Variants in TH observed in about 807,000 individuals in gnomAD.
TH encodes the protein tyrosine hydroxylase, also known as tyrosine 3-monooxygenase.
Under a neutral mutation model 57.4 loss-of-function variants are expected in TH, and 49 were observed. That is an observed-to-expected ratio of 0.85 (90% CI 0.68 to 1.08). The LOEUF (loss-of-function observed/expected upper bound fraction) is 1.08, where lower values mean the gene tolerates loss of function less well. Ranked by LOEUF, TH falls within the 50% of genes least tolerant of loss-of-function variation. The probability of loss-of-function intolerance (pLI) is 0.00; values close to 1 mark genes in which losing one functional copy is unlikely to be tolerated. For synonymous variants in TH, 330 were observed against 304.5 expected (o/e 1.08, Z -0.87); for missense variants, 720 against 696.7 (o/e 1.03, Z -0.38).
At position 2,165,972 on chromosome 11, in the gene TH, C is replaced by G. The variant is rs558000735; in HGVS notation, c.1104+30G>C. On this transcript the variant is annotated intron_variant, in intron 10 of 12. Coordinates refer to ENST00000352909, the MANE Select transcript of TH (RefSeq NM_000360.4). The stretch of plus-strand genomic sequence containing the variant: ...TGGATTCAGACCCCCAAACCCACAC[C>G]CCAGGCCCTGCAGGGAGGGGTCAAC... 6.0e-5 allele frequency: 94 copies of G among 1,555,676 alleles called. 2 individuals are homozygous for G. The South Asian group carries it at 1.1e-3, about 17-fold the overall frequency.
In TH at chr11:2,168,626, C is replaced by T. The variant is rs775721911; in HGVS notation, c.352G>A (p.Ala118Thr). The T allele has an allele frequency of 1.3e-5, 21 of 1,609,688 alleles. No homozygotes were observed. Among genetic ancestry groups the T allele is most frequent in the Middle Eastern group, 1.7e-4 (1 of 5,958 alleles). The part of the protein sequence containing the change: ...AKIHHLETRP[A>T]QRPRAGGPHL... ...GGGCCCCCAGCTCGCGGCCTCTGGG[C>T]GGGCCGGGTCTCTAGATGGTGGATT... is the stretch of plus-strand genomic sequence containing the variant. The change falls in exon 3 of 13, where the codon GCC (alanine) becomes ACC (threonine). Residue 118 changes from alanine (A) to threonine (T), a missense_variant. Ala to Thr is a moderately conservative substitution (Grantham distance 58). Transcript: ENST00000352909.
intron 6 of TH, 86 bp from the exon 7 acceptor site, chr11:2,167,118 C>T (rs1319310640): frequency 6.6e-7 from 1 of 1,525,240 alleles, no homozygotes; most frequent in Non-Finnish European, 8.8e-7. Context: ...CTCTGCCTGC[C>T]TGAGCCCCTA....
rs45471299 is a variant in TH at position 2,164,339 on chromosome 11, G to A, written c.1388C>T (p.Thr463Met). Residue 463 changes from threonine to methionine, a missense_variant, in exon 13 of 13, where the codon ACG (threonine) becomes ATG (methionine). Physicochemically the swap from Thr to Met is moderately conservative, Grantham distance 81. Coordinates refer to ENST00000352909, the MANE Select transcript of TH (RefSeq NM_000360.4). ...RPFSVKFDPY[T>M]LAIDVLDSPQ... ...GCTGTCCAGCACGTCGATGGCCAGC[G>A]TGTACGGGTCGAACTTCACGGAGAA... The A allele has an allele frequency of 1.7e-5, 27 of 1,545,554 alleles. No homozygotes were observed. Among genetic ancestry groups the A allele is most frequent in the Admixed American group, 1.5e-4 (8 of 52,248 alleles).
Position 2,170,718 on chromosome 11 carries a change from G to A in TH, c.91-847C>T, listed in dbSNP as rs781594548. 14 of 1,605,402 alleles carry A rather than the reference G, an allele frequency of 8.7e-6. No homozygotes were observed. The highest frequency in any genetic ancestry group is 2.2e-5 in the East Asian group (1 of 44,616). Reference sequence around the variant, plus strand: ...TGGGGTGGGGGTGTAGGATGCAGCTGGGGCTGCAGTTCCAGGCCACGGAGA... The same window carrying A: ...TGGGGTGGGGGTGTAGGATGCAGCTAGGGCTGCAGTTCCAGGCCACGGAGA... On this transcript the variant is annotated intron_variant, in intron 1 of 12. Transcript: ENST00000352909. The surrounding 1 kb of genome is among the most constrained non-coding windows in gnomAD (Gnocchi z 6.0).
At chr11:2,169,314 C>T (rs748238988) in intron 2 of TH, among the ~76,000 whole-genome samples, 1 of 152,144 alleles carries the variant, frequency 6.6e-6, no homozygotes, top group Non-Finnish European at 1.5e-5. Flanking sequence ...TGGGAGAGGG[C>T]ACACTGCCCT....
At position 2,171,754 on chromosome 11, in the gene TH, G is replaced by A; in HGVS notation, c.33C>T (p.Ala11=). 6.2e-7 allele frequency: 1 copy of A among 1,612,826 alleles called. No individual in the cohort carries two copies. Among genetic ancestry groups the A allele is most frequent in the African/African-American group, 1.3e-5 (1 of 75,032 alleles). MPTPDATTPQ[A]KGFRRAVSEL... ...CAGACACGGCCCTGCGGAAGCCCTT[G>A]GCCTGTGGCGTGGTGGCGTCGGGGG... The change falls in exon 1 of 13, where the codon GCC becomes GCT. Residue 11 remains alanine, a synonymous_variant. Coordinates refer to ENST00000352909, the MANE Select transcript of TH (RefSeq NM_000360.4). The surrounding 1 kb of genome is among the most constrained non-coding windows in gnomAD (Gnocchi z 8.6).
intron 2 of TH, 167 bp from the exon 3 acceptor site, chr11:2,168,832 G>A (rs1846175075): frequency 1.1e-6 from 1 of 886,544 alleles, no homozygotes; most frequent in Admixed American, 2.1e-5. Context: ...CAGGTCAGCT[G>A]TCGGCCACCA....
intron 11 of TH, 136 bp from the exon 12 acceptor site, chr11:2,165,501 G>T: frequency 7.0e-7 from 1 of 1,419,258 alleles, no homozygotes; most frequent in Non-Finnish European, 9.8e-7. Context: ...TCGGAGGCCT[G>T]GGATAATGTG....
chr11:2,170,129 G>A lies in TH; in HGVS notation c.91-258C>T, dbSNP rs540873674. Among the ~76,000 whole-genome samples, 15 of 152,288 alleles carry A rather than the reference G, an allele frequency of 9.8e-5. No homozygotes were observed. The East Asian group carries it at 1.7e-3, about 18-fold the overall frequency. On this transcript the variant is annotated intron_variant, in intron 1 of 12. Coordinates refer to ENST00000352909, the MANE Select transcript of TH (RefSeq NM_000360.4). This position sits in a 1 kb window ranked among gnomAD's most constrained non-coding sequence, Gnocchi z 6.0. The stretch of plus-strand genomic sequence containing the variant: ...AGGAGTGGGGGCTGGGAAGGTGCTC[G>A]CCTGCTCCCCACTCTGTGGCGAGCA...
At chr11:2,166,295 C>T (rs1156780382) in intron 9 of TH, 185 bp downstream of exon 9, 19 of 950,686 alleles carry the variant, frequency 2.0e-5, no homozygotes, top group Non-Finnish European at 2.3e-5. Flanking sequence ...CAGGTGGCAG[C>T]ACAGGCCGTG....
rs774895306 is a variant in TH, at chr11:2,165,663, C to G, written c.1200+5G>C. 6.2e-7 allele frequency: 1 copy of G among 1,612,624 alleles called. No individual in the cohort carries two copies. The highest frequency in any genetic ancestry group is 2.2e-5 in the East Asian group (1 of 44,862). On this transcript the variant is annotated splice_donor_5th_base_variant and intron_variant, in intron 11 of 12. Coordinates refer to ENST00000352909, the MANE Select transcript of TH (RefSeq NM_000360.4). ...CTGGGGGCTGCAGCAAGGAGAGACT[C>G]TCACCAGGAGCTCCCCGTAGGAGGA...
At position 2,169,659 on chromosome 11, in the gene TH, C is replaced by T. The variant is rs752339418; in HGVS notation, c.303G>A (p.Lys101=). The change falls in exon 2 of 13, where the codon AAG becomes AAA. Residue 101 remains lysine, a synonymous_variant. Coordinates refer to ENST00000352909, the MANE Select transcript of TH (RefSeq NM_000360.4). ...AAGGCCACCAGCTCACCTCAAACAC[C>T]TTCACAGCTCGGGACAGCGCCGAGG... ...TKPSALSRAV[K]VFETFEAKIH... 1.9e-6 allele frequency: 3 copies of T among 1,613,460 alleles called. No individual in the cohort carries two copies. Among genetic ancestry groups the T allele is most frequent in the Admixed American group, 1.7e-5 (1 of 59,984 alleles).
intron 1 of TH, 68 bp from the exon 2 acceptor site, chr11:2,169,939 G>T: frequency 6.7e-7 from 1 of 1,490,034 alleles, no homozygotes; most frequent in Non-Finnish European, 9.1e-7. Context: ...CCCACAGCTG[G>T]TCCCACAGTC....
intron 11 of TH, 139 bp from the exon 12 acceptor site, chr11:2,165,504 A>T: frequency 7.0e-7 from 1 of 1,422,050 alleles, no homozygotes; most frequent in Non-Finnish European, 9.7e-7. Flanking sequence ...GAGGCCTGGG[A>T]TAATGTGGGG....
chr11:2,165,137 G>A, intron 12 of TH, 95 bp downstream of exon 12: 2 of 1,589,338 alleles, frequency 1.3e-6, no homozygotes, highest in South Asian at 1.1e-5. Flanking sequence ...TGTGACCTGG[G>A]CTCACAGGTC....
At position 2,169,825 on chromosome 11, in the gene TH, C is replaced by A. The variant is rs761509793; in HGVS notation, c.137G>T (p.Arg46Leu). The change falls in exon 2 of 13, where the codon CGC becomes CTC. Residue 46 changes from arginine to leucine, a missense_variant. Coordinates refer to ENST00000352909, the MANE Select transcript of TH (RefSeq NM_000360.4). ...GRRQSLIEDA[R>L]KEREAAVAAA... is the part of the protein sequence containing the mutation. Reference sequence around the variant, plus strand: ...TGCCACCGCCGCCTCCCGCTCCTTGCGGGCGTCCTCGATGAGGCTCTGCCT... The same window carrying A: ...TGCCACCGCCGCCTCCCGCTCCTTGAGGGCGTCCTCGATGAGGCTCTGCCT... 6.2e-7 allele frequency: 1 copy of A among 1,610,946 alleles called. No individual in the cohort carries two copies.
chr11:2,167,987 G>A (rs1411550257), intron 4 of TH, 54 bp from the exon 5 acceptor site: 1 of 1,609,580 alleles, frequency 6.2e-7, no homozygotes, highest in African/African-American at 1.3e-5. Flanking sequence ...TGGGGGCACA[G>A]GCCACGGAGG....
intron 2 of TH, among the ~76,000 whole-genome samples, chr11:2,168,970 G>A (rs902993097): frequency 6.6e-6 from 1 of 152,180 alleles, no homozygotes; most frequent in Non-Finnish European, 1.5e-5. Flanking sequence ...CACACAGTCC[G>A]GCTCCTCAGC....
In TH at chr11:2,170,309, A is replaced by AC. The variant is rs1327861806; in HGVS notation, c.91-439dup. Among the ~76,000 whole-genome samples the AC allele has an allele frequency of 6.6e-6, 1 of 151,054 alleles. No homozygotes were observed. Among genetic ancestry groups the AC allele is most frequent in the Non-Finnish European group, 1.5e-5 (1 of 67,688 alleles). ...TGCCCCCACAGGGCCCCAGTGAACA[A>AC]CCCCCCTACCCTCCTGGCTGCCGCA... is the stretch of plus-strand genomic sequence containing the variant. On this transcript the variant is annotated intron_variant, in intron 1 of 12. Coordinates refer to ENST00000352909, the MANE Select transcript of TH (RefSeq NM_000360.4). The surrounding 1 kb of genome is among the most constrained non-coding windows in gnomAD (Gnocchi z 6.0).
Sources: allele counts gnomAD v4.1 joint callset (sites outside exome capture counted in the v4.1 genomes callset), GRCh38; gene constraint gnomAD v4.1.1; non-coding constraint Gnocchi (gnomAD v3.1); transcripts MANE v1.5; gene names NCBI Gene and HGNC (gene_info 2026-07-23, HGNC 2026-07-21).